Variants in PADI6 observed in about 807,000 individuals in gnomAD.
PADI6 encodes inactive protein-arginine deiminase type-6.
A neutral mutation model predicts 78.2 loss-of-function variants in PADI6; 66 were observed. That is an observed-to-expected ratio of 0.84 (90% CI 0.69 to 1.04). The LOEUF is 1.04. PADI6 is among the 50% of genes least tolerant of loss of function. The pLI is 0.00. For synonymous variants in PADI6, 397 were observed against 346.9 expected (o/e 1.14, Z -1.60); for missense variants, 854 against 866.1 (o/e 0.99, Z 0.18).
At chr1:17,393,340 G>A (rs2075210268) in intron 9 of PADI6, among the ~76,000 whole-genome samples, 2 of 152,274 alleles carry the variant, frequency 1.3e-5, no homozygotes, top group South Asian at 4.1e-4. Flanking sequence ...GACCCCTCTG[G>A]CTAAGATGTA....
rs950039294 is a variant in PADI6, at chr1:17,399,205, C to T, written c.1851+358C>T. On this transcript the variant is annotated intron_variant, in intron 15 of 15. Transcript: ENST00000619609. ...GAGGTTGCCGCGCATCTGCCAGCAG[C>T]GAGGCCTTGAGCAACCTACCTCAGG... is the stretch of plus-strand genomic sequence containing the variant. Among the ~76,000 whole-genome samples the T allele has an allele frequency of 1.9e-4, 29 of 152,204 alleles. 1 individual carries two copies. Among genetic ancestry groups the T allele is most frequent in the African/African-American group, 6.0e-4 (25 of 41,452 alleles).
chr1:17,400,858 G>A (rs1446136521), intron 15 of PADI6, among the ~76,000 whole-genome samples: 1 of 152,188 alleles, frequency 6.6e-6, no homozygotes, highest in Non-Finnish European at 1.5e-5. Flanking sequence ...TTGAGGAGGA[G>A]TTGAGATACA....
chr1:17,393,950 C>A, intron 9 of PADI6, 25 bp from the exon 10 acceptor site: 2 of 1,600,544 alleles, frequency 1.2e-6, no homozygotes, highest in Non-Finnish European at 1.7e-6. Context: ...GACTGGCAAA[C>A]AATCTGTCTT....
At chr1:17,379,557 A>AT (rs2075052532) in intron 3 of PADI6, among the ~76,000 whole-genome samples, 1 of 152,180 alleles carries the variant, frequency 6.6e-6, no homozygotes, top group Admixed American at 6.5e-5. Context: ...GCCCGGCCAT[A>AT]TTAAGCCTTT....
At chr1:17,385,734 TC>T (rs2075112995) in intron 6 of PADI6, among the ~76,000 whole-genome samples, 1 of 83,628 alleles carries the variant, frequency 1.2e-5, no homozygotes, top group Non-Finnish European at 2.8e-5. Flanking sequence ...GAGGATGACA[TC>T]GTCGTCCCCA....
intron 6 of PADI6, among the ~76,000 whole-genome samples, chr1:17,386,546 C>T (rs543805274): frequency 2.6e-5 from 4 of 152,328 alleles, no homozygotes; most frequent in Admixed American, 2.6e-4. Context: ...GTCAAGAGGG[C>T]TGTGTCTGCA....
Position 17,386,098 on chromosome 1 carries a change from C to A in PADI6, c.680-2283C>A, listed in dbSNP as rs556589454. ...GGTAGCTAAGGCCTCCTGGGCAGCT[C>A]TGTGAGGACTGAGGGCAGGGAGGGC... is the stretch of plus-strand genomic sequence containing the variant. On this transcript the variant is annotated intron_variant, in intron 6 of 15. Coordinates refer to ENST00000619609, the MANE Select transcript of PADI6 (RefSeq NM_207421.4). Among the ~76,000 whole-genome samples, 24 of 152,190 alleles carry A rather than the reference C, an allele frequency of 1.6e-4. No individual in the cohort carries two copies. The South Asian group carries it at 5.0e-3, about 32-fold the overall frequency.
chr1:17,384,235 A>G (rs931362651), intron 6 of PADI6, among the ~76,000 whole-genome samples: 1 of 152,208 alleles, frequency 6.6e-6, no homozygotes, highest in Non-Finnish European at 1.5e-5. Context: ...TAAAGCTTGA[A>G]CCACAAAAAG....
At position 17,372,240 on chromosome 1, in the gene PADI6, C is replaced by G; in HGVS notation, c.-6C>G. Reference sequence around the variant, plus strand: ...GCTGAGTGAGGGCTGCGGTGCAGGCCTGAGGATGGTCAGCGTGGAGGGCCG... The same window carrying G: ...GCTGAGTGAGGGCTGCGGTGCAGGCGTGAGGATGGTCAGCGTGGAGGGCCG... On this transcript the variant is annotated 5_prime_UTR_variant, in exon 1 of 16. Transcript: ENST00000619609. 6.2e-7 allele frequency: 1 copy of G among 1,613,532 alleles called. No homozygotes were observed. The highest frequency in any genetic ancestry group is 1.3e-5 in the African/African-American group (1 of 75,038).
At chr1:17,373,031 G>A (rs765281917) in intron 1 of PADI6, 25 bp from the exon 2 acceptor site, 30 of 1,608,844 alleles carry the variant, frequency 1.9e-5, no homozygotes, top group Admixed American at 6.7e-5. Flanking sequence ...GTGCCCTGAC[G>A]CGTGTCTCTT....
Position 17,373,363 on chromosome 1 carries a change from C to T in PADI6, c.294+130C>T, listed in dbSNP as rs561486406. ...GTTGTTTTGCACGTCTGATCTCATC[C>T]AGTGTCTGCAACAGACCAGTGGTGT... is the stretch of plus-strand genomic sequence containing the variant. On this transcript the variant is annotated intron_variant, in intron 2 of 15. Coordinates refer to ENST00000619609, the MANE Select transcript of PADI6 (RefSeq NM_207421.4). 123 of 1,101,880 alleles carry T rather than the reference C, an allele frequency of 1.1e-4. 3 individuals carry two copies. In the South Asian group the frequency reaches 1.8e-3, roughly 16 times the overall value. 68.3% of individuals were successfully genotyped at this position (1,101,880 alleles called of 1,614,324 possible). A position where few individuals can be genotyped will look rare whatever the true frequency, so the allele number is the denominator to read the frequency against.
chr1:17,372,216 C>T lies in PADI6; in HGVS notation c.-30C>T, dbSNP rs1557593067. The T allele has an allele frequency of 2.5e-6, 4 of 1,597,948 alleles. No individual in the cohort carries two copies. In the South Asian group the frequency reaches 4.4e-5, roughly 18 times the overall value. On this transcript the variant is annotated 5_prime_UTR_variant, in exon 1 of 16. Coordinates refer to ENST00000619609, the MANE Select transcript of PADI6 (RefSeq NM_207421.4). ...CCCTGGGGCGTCTGAGGCTGCTGTG[C>T]TGAGTGAGGGCTGCGGTGCAGGCCT...
At chr1:17,398,422 G>A (rs537107326) in intron 14 of PADI6, among the ~76,000 whole-genome samples, 40 of 152,298 alleles carry the variant, frequency 2.6e-4, no homozygotes, top group Admixed American at 7.2e-4. Flanking sequence ...GGTCTGGGTT[G>A]AGAAGTGCCA....
At chr1:17,373,582 C>T (rs543925671) in intron 2 of PADI6, among the ~76,000 whole-genome samples, 3 of 152,114 alleles carry the variant, frequency 2.0e-5, no homozygotes, top group African/African-American at 7.2e-5. Flanking sequence ...ACCTCCACTT[C>T]CCGGGTTCAA....
chr1:17,379,111 A>AT (rs144547124), intron 3 of PADI6, among the ~76,000 whole-genome samples: 20,595 of 100,766 alleles, frequency 0.2, 4,048 homozygotes, highest in African/African-American at 0.51. Flanking sequence ...TGCCCAGTTA[A>AT]TTTTTTTTTT....
intron 15 of PADI6, among the ~76,000 whole-genome samples, chr1:17,399,620 C>T (rs912953576): frequency 2.0e-5 from 3 of 150,724 alleles, no homozygotes; most frequent in Middle Eastern, 3.4e-3. Context: ...CTTGGCTGGT[C>T]GTGGTGGCTC....
Position 17,382,034 on chromosome 1 carries a change from G to A in PADI6, c.621G>A (p.Arg207=). The change falls in exon 6 of 16, where the codon CGG becomes CGA. Residue 207 remains arginine (R), a synonymous_variant. Transcript: ENST00000619609. ...QGPSCILKKY[R]LVLHTSKEES... is the part of the protein sequence containing the mutation. Reference sequence around the variant, plus strand: ...CCAGCTGTATCTTAAAGAAATATCGGCTAGTCCTCCATACCTCCAAGGAAG... The same window carrying A: ...CCAGCTGTATCTTAAAGAAATATCGACTAGTCCTCCATACCTCCAAGGAAG... 6.2e-7 allele frequency: 1 copy of A among 1,613,952 alleles called. No homozygotes were observed. Among genetic ancestry groups the A allele is most frequent in the Non-Finnish European group, 8.5e-7 (1 of 1,179,812 alleles).
At chr1:17,383,911 G>A (rs2075096441) in intron 6 of PADI6, among the ~76,000 whole-genome samples, 1 of 152,036 alleles carries the variant, frequency 6.6e-6, no homozygotes, top group Non-Finnish European at 1.5e-5. Context: ...CACTTCGGGA[G>A]GCCAAGGCAG....
chr1:17,395,065 C>G lies in PADI6; in HGVS notation c.1452C>G (p.Phe484Leu). 1.2e-6 allele frequency: 2 copies of G among 1,613,996 alleles called. No individual in the cohort carries two copies. The highest frequency in any genetic ancestry group is 1.7e-6 in the Non-Finnish European group (2 of 1,179,924). ...DWLMTGHVDE[F>L]MCFIPTDDKN... ...TAATGACTGGCCACGTGGATGAGTT[C>G]ATGTGCTTCATCCCCACAGATGACA... Residue 484 changes from phenylalanine (F) to leucine (L), a missense_variant, in exon 12 of 16, where the codon TTC (phenylalanine) becomes TTG (leucine). By Grantham distance (22) the Phe-to-Leu change is conservative. Transcript: ENST00000619609.
Sources: allele counts gnomAD v4.1 joint callset (sites outside exome capture counted in the v4.1 genomes callset), GRCh38; gene constraint gnomAD v4.1.1; transcripts MANE v1.5; gene names NCBI Gene and HGNC (gene_info 2026-07-23, HGNC 2026-07-21).